CSGALNACT1: variants seen among roughly 807,000 people sequenced by gnomAD.
CSGALNACT1 encodes beta4GalNAcT-1.
CSGALNACT1 carries 52 observed loss-of-function variants against 51.0 expected under a neutral mutation model. The ratio of observed to expected loss-of-function variants is 1.02; its 90% CI spans 0.82 to 1.29. The LOEUF is 1.29. Ranked by LOEUF, CSGALNACT1 falls within the 50% of genes most tolerant of loss-of-function variation. The pLI, the probability that CSGALNACT1 is intolerant of heterozygous loss-of-function variation, is 0.00. For missense variants in CSGALNACT1, 935 were observed against 679.2 expected (o/e 1.38, Z -4.19); for synonymous variants, 341 against 254.4 (o/e 1.34, Z -3.24).
intron 1 of CSGALNACT1, among the ~76,000 whole-genome samples, chr8:19,637,918 G>T (rs1305262656): frequency 2.0e-5 from 3 of 151,874 alleles, no homozygotes; most frequent in Admixed American, 2.0e-4. Context: ...CCACAGGATG[G>T]GTTAAACAGG....
chr8:19,700,659 T>G (rs1167638316), intron 1 of CSGALNACT1, among the ~76,000 whole-genome samples: 9 of 152,176 alleles, frequency 5.9e-5, no homozygotes, highest in Admixed American at 5.9e-4. Context: ...TCCTATCTCT[T>G]TCTGTAATTG....
At chr8:19,667,004 AAAGAAAGAAAGAAAGGAAGG>A (rs2059370124) in intron 1 of CSGALNACT1, among the ~76,000 whole-genome samples, 25 of 25,086 alleles carry the variant, frequency 1.0e-3, no homozygotes, top group Admixed American at 5.4e-3. Flanking sequence ...AGAAAGAAAG[AAAGAAAGAAAGAAAGGAAGG>A]AAGGAAGGAA....
At chr8:19,644,403 T>C (rs1470042361) in intron 1 of CSGALNACT1, among the ~76,000 whole-genome samples, 2 of 134,774 alleles carry the variant, frequency 1.5e-5, no homozygotes, top group Admixed American at 7.4e-5. Context: ...TCTTAACCTC[T>C]CAAAAAAAAA....
chr8:19,436,610 T>C (rs1025441432), intron 6 of CSGALNACT1, among the ~76,000 whole-genome samples: 12 of 152,190 alleles, frequency 7.9e-5, no homozygotes, highest in African/African-American at 2.7e-4. Flanking sequence ...AGCTCATATA[T>C]AGATTACTAT....
chr8:19,729,344 G>A (rs1484398910), intron 1 of CSGALNACT1, among the ~76,000 whole-genome samples: 1 of 152,170 alleles, frequency 6.6e-6, no homozygotes, highest in Non-Finnish European at 1.5e-5. Flanking sequence ...GTGCTCACAT[G>A]CAAACTAGCA....
intron 3 of CSGALNACT1, among the ~76,000 whole-genome samples, chr8:19,521,946 C>T (rs539632884): frequency 2.6e-5 from 4 of 152,182 alleles, no homozygotes; most frequent in Admixed American, 1.3e-4. Flanking sequence ...TTTGTTCTGA[C>T]GTTGTAAGTT....
At chr8:19,628,584 G>T (rs2054766527) in intron 1 of CSGALNACT1, among the ~76,000 whole-genome samples, 1 of 152,122 alleles carries the variant, frequency 6.6e-6, no homozygotes, top group Non-Finnish European at 1.5e-5. Flanking sequence ...GGACGCTGTT[G>T]CTAAGTAATA....
intron 1 of CSGALNACT1, among the ~76,000 whole-genome samples, chr8:19,727,339 T>A (rs1272380237): frequency 6.6e-6 from 1 of 151,738 alleles, no homozygotes; most frequent in Admixed American, 6.6e-5. Context: ...TTGGTTTGGT[T>A]TGGTTTGGTT....
intron 3 of CSGALNACT1, among the ~76,000 whole-genome samples, chr8:19,540,303 G>C (rs955534925): frequency 3.9e-5 from 6 of 152,132 alleles, no homozygotes; most frequent in Admixed American, 1.3e-4. Context: ...CTATTAAAGG[G>C]ACTGCATGGT....
At chr8:19,508,833 C>G (rs572950680) in intron 3 of CSGALNACT1, among the ~76,000 whole-genome samples, 1 of 152,260 alleles carries the variant, frequency 6.6e-6, no homozygotes, top group Admixed American at 6.5e-5. Flanking sequence ...GCTAACTGAA[C>G]ACTATTTAAA....
chr8:19,666,883 A>AG lies in CSGALNACT1; in HGVS notation c.-544+15589_-544+15590insC, dbSNP rs1564384270. ...AAAGAAAGAAAGAAAGAAAGAAAGA[A>AG]AGAGAGAGAGGAAGTGAGGAAGGGA... On this transcript the variant is annotated intron_variant, in intron 1 of 9. Transcript: ENST00000332246. Among the ~76,000 whole-genome samples the AG allele has an allele frequency of 1.3e-3, 124 of 97,268 alleles. 2 individuals carry two copies. The highest frequency in any genetic ancestry group is 2.3e-3 in the Non-Finnish European group (109 of 46,828). 63.8% of individuals were successfully genotyped at this position (97,268 alleles called of 152,430 possible).
intron 1 of CSGALNACT1, among the ~76,000 whole-genome samples, chr8:19,736,791 A>G (rs1487337390): frequency 1.3e-5 from 2 of 152,188 alleles, no homozygotes; most frequent in Non-Finnish European, 2.9e-5. Flanking sequence ...AGCACATCTC[A>G]CTAGAGTTCC....
intron 3 of CSGALNACT1, among the ~76,000 whole-genome samples, chr8:19,523,352 A>C (rs1390600766): frequency 6.6e-6 from 1 of 152,076 alleles, no homozygotes; most frequent in Non-Finnish European, 1.5e-5. Flanking sequence ...GCAGTCTTGA[A>C]CTCCAGGACT....
chr8:19,416,477 T>C (rs1479526629), intron 8 of CSGALNACT1, among the ~76,000 whole-genome samples: 1 of 152,200 alleles, frequency 6.6e-6, no homozygotes, highest in Non-Finnish European at 1.5e-5. Flanking sequence ...AAGTCCACAG[T>C]AGTGGACAGT....
At chr8:19,407,904 A>ATT (rs1273460500) in intron 9 of CSGALNACT1, among the ~76,000 whole-genome samples, 5 of 127,116 alleles carry the variant, frequency 3.9e-5, no homozygotes, top group African/African-American at 1.7e-4. Flanking sequence ...GTGTATATGA[A>ATT]TTGTGTGTGT....
At chr8:19,437,737 T>C (rs553539539) in intron 6 of CSGALNACT1, among the ~76,000 whole-genome samples, 10 of 152,316 alleles carry the variant, frequency 6.6e-5, no homozygotes, top group Middle Eastern at 3.4e-3. Context: ...CGGGTTAATT[T>C]TGCCAAAGTT....
upstream of CSGALNACT1, among the ~76,000 whole-genome samples, chr8:19,686,534 C>T (rs1453079631): frequency 6.6e-6 from 1 of 151,566 alleles, no homozygotes; most frequent in African/African-American, 2.4e-5. Flanking sequence ...TGTGCCTAGG[C>T]AGAGCCAATG....
intron 1 of CSGALNACT1, among the ~76,000 whole-genome samples, chr8:19,610,289 C>CAAAAAAAAAAAAA (rs58262538): frequency 4.2e-5 from 2 of 47,652 alleles, no homozygotes; most frequent in African/African-American, 8.3e-5. Flanking sequence ...GACTCCGTCT[C>CAAAAAAAAAAAAA]AAAAAAAAAA....
At chr8:19,721,976 C>T (rs987317997) in intron 1 of CSGALNACT1, among the ~76,000 whole-genome samples, 1 of 151,910 alleles carries the variant, frequency 6.6e-6, no homozygotes, top group Non-Finnish European at 1.5e-5. Context: ...ACTGTGTCAG[C>T]TCCCAATACC....
Sources: allele counts gnomAD v4.1 joint callset (sites outside exome capture counted in the v4.1 genomes callset), GRCh38; gene constraint gnomAD v4.1.1; transcripts MANE v1.5; gene names NCBI Gene and HGNC (gene_info 2026-07-23, HGNC 2026-07-21).